DMD: variants seen among roughly 807,000 people sequenced by gnomAD.
DMD encodes dystrophin, also known as mutant dystrophin.
A neutral mutation model predicts 330.1 loss-of-function variants in DMD; 63 were observed. The observed-to-expected ratio is 0.19, with a 90% confidence interval of 0.16 to 0.24. DMD has a LOEUF of 0.24. Among genes scored for constraint, DMD ranks in the 10% least tolerant of loss-of-function variants. DMD has a pLI of 1.00. For missense variants in DMD, 3,344 were observed against 2,684.1 expected (o/e 1.25, Z -5.43); for synonymous variants, 1,223 against 959.8 (o/e 1.27, Z -5.07).
chrX:32,996,368 C>G (rs1357476674), intron 2 of DMD, among the ~76,000 whole-genome samples: 2 of 111,291 alleles, frequency 1.8e-5, no homozygotes, highest in Non-Finnish European at 3.8e-5. Context: ...TAATATAGTA[C>G]ACATTGTAAT....
At chrX:32,632,614 A>C (rs2058810469) in intron 11 of DMD, among the ~76,000 whole-genome samples, 2 of 111,057 alleles carry the variant, frequency 1.8e-5, no homozygotes, top group African/African-American at 6.6e-5. Flanking sequence ...CCAAGCCTCA[A>C]CTCTTGCACT....
intron 1 of DMD, among the ~76,000 whole-genome samples, chrX:33,228,071 T>C (rs1471234748): frequency 9.0e-6 from 1 of 111,703 alleles, no homozygotes; most frequent in Non-Finnish European, 1.9e-5. Flanking sequence ...TTTTAATCTA[T>C]AGTATATTAA....
chrX:33,282,131 T>C (rs2053343121), intron 1 of DMD, among the ~76,000 whole-genome samples: 1 of 110,728 alleles, frequency 9.0e-6, no homozygotes, highest in Non-Finnish European at 1.9e-5. Flanking sequence ...CAGGTATCTC[T>C]GGGTGGGGAA....
At chrX:31,532,354 T>G (rs1438233080) in intron 55 of DMD, among the ~76,000 whole-genome samples, 1 of 32,833 alleles carries the variant, frequency 3.0e-5, no homozygotes. Flanking sequence ...AAAAGAATTT[T>G]CAACCCAGAA....
In DMD at chrX:32,953,789, G is replaced by T. The variant is rs1421194577; in HGVS notation, c.93+66350C>A. On this transcript the variant is annotated intron_variant, in intron 2 of 78. Transcript: ENST00000357033. ...GAAAGACATGTGCGGAAACTAGGAA[G>T]AAGCTTGTATTCTGAATGTGTTACC... is the stretch of plus-strand genomic sequence containing the variant. Among the ~76,000 whole-genome samples the T allele has an allele frequency of 2.7e-5, 3 of 112,317 alleles. No homozygotes were observed. The East Asian group carries it at 8.3e-4, about 31-fold the overall frequency.
intron 44 of DMD, among the ~76,000 whole-genome samples, chrX:32,012,235 A>T (rs1349259049): frequency 8.9e-6 from 1 of 112,020 alleles, no homozygotes; most frequent in Non-Finnish European, 1.9e-5. Flanking sequence ...GATAGAAGGG[A>T]TTATTGTAAG....
intron 62 of DMD, among the ~76,000 whole-genome samples, chrX:31,320,039 A>G (rs2056305272): frequency 8.9e-6 from 1 of 112,424 alleles, no homozygotes; most frequent in South Asian, 3.7e-4. Context: ...TTATTTTTTC[A>G]GTGGCAATGA....
intron 7 of DMD, among the ~76,000 whole-genome samples, chrX:32,707,910 A>T (rs1029270594): frequency 8.9e-6 from 1 of 111,861 alleles, no homozygotes; most frequent in Non-Finnish European, 1.9e-5. Flanking sequence ...TGACTCAGTG[A>T]CATTTAACTC....
At chrX:32,341,997 A>G (rs908060156) in intron 41 of DMD, 103 bp downstream of exon 41, 2 of 893,426 alleles carry the variant, frequency 2.2e-6, no homozygotes, top group Non-Finnish European at 3.1e-6. Flanking sequence ...TAGAAGTTTA[A>G]AACTGTACCC....
chrX:32,945,763 CT>C (rs983655805), intron 2 of DMD, among the ~76,000 whole-genome samples: 2 of 111,497 alleles, frequency 1.8e-5, no homozygotes, highest in African/African-American at 6.5e-5. Context: ...TTTTTCATAA[CT>C]AAAAAGTATT....
chrX:32,517,903 T>C, intron 18 of DMD, 105 bp downstream of exon 18: 1 of 890,736 alleles, frequency 1.1e-6, no homozygotes, highest in Non-Finnish European at 1.6e-6. Flanking sequence ...CAGCATTTTA[T>C]CATATCGCAT....
chrX:33,192,914 G>A (rs1366479638), intron 1 of DMD, among the ~76,000 whole-genome samples: 5 of 111,929 alleles, frequency 4.5e-5, no homozygotes, highest in African/African-American at 1.6e-4. Context: ...AAATACACAG[G>A]TGTTCACTCA....
At chrX:32,970,679 C>T (rs1481133703) in intron 2 of DMD, among the ~76,000 whole-genome samples, 3 of 92,101 alleles carry the variant, frequency 3.3e-5, no homozygotes, top group South Asian at 5.3e-4. Flanking sequence ...AAAATAATAA[C>T]GAAATTCAGT....
intron 1 of DMD, among the ~76,000 whole-genome samples, chrX:33,333,693 T>A (rs113641318): frequency 0.015 from 1,689 of 111,353 alleles, 44 homozygotes; most frequent in African/African-American, 0.051. Flanking sequence ...AGAATTTGAT[T>A]ATAGTTTCTC....
intron 17 of DMD, among the ~76,000 whole-genome samples, chrX:32,542,883 TTGATGCTATATA>T (rs1354601644): frequency 3.6e-5 from 4 of 111,821 alleles, no homozygotes; most frequent in African/African-American, 1.3e-4. Context: ...AGAGTGAAAG[TTGATGCTATATA>T]TAATTATGCT....
At chrX:31,385,671 A>C (rs1258654109) in intron 60 of DMD, among the ~76,000 whole-genome samples, 1 of 112,495 alleles carries the variant, frequency 8.9e-6, no homozygotes, top group Admixed American at 9.4e-5. Flanking sequence ...AATCAAAACC[A>C]CAATGAGGTA....
At chrX:31,233,098 T>C (rs765845692) in intron 63 of DMD, among the ~76,000 whole-genome samples, 2 of 111,798 alleles carry the variant, frequency 1.8e-5, no homozygotes, top group Admixed American at 1.9e-4. Flanking sequence ...CAATGCACTT[T>C]CCTTGCAGTC....
At chrX:31,261,039 A>G (rs1259312785) in intron 62 of DMD, 23 bp from the exon 63 acceptor site, 1 of 1,184,424 alleles carries the variant, frequency 8.4e-7, no homozygotes, top group Non-Finnish European at 1.1e-6. Context: ...ACATAAAGAA[A>G]GACTTTAGCA....
At chrX:33,144,509 T>C (rs995221438) in intron 1 of DMD, among the ~76,000 whole-genome samples, 2 of 112,051 alleles carry the variant, frequency 1.8e-5, no homozygotes, top group Non-Finnish European at 3.8e-5. Flanking sequence ...TTATTACAGA[T>C]TGTATGCCTG....
Sources: gnomAD v4.1 joint callset for allele counts (sites outside exome capture counted in the v4.1 genomes callset) on GRCh38, gnomAD v4.1.1 for gene constraint, MANE v1.5 for transcripts, NCBI Gene and HGNC (gene_info 2026-07-23, HGNC 2026-07-21) for gene names.